CDH1: variants seen among roughly 807,000 people sequenced by gnomAD.
CDH1 encodes cadherin-1.
Under a neutral mutation model 84.5 loss-of-function variants are expected in CDH1, and 35 were observed. That is an observed-to-expected ratio of 0.41 (90% CI 0.32 to 0.55). The LOEUF is 0.55. Ranked by LOEUF, CDH1 falls within the 20% of genes least tolerant of loss-of-function variation. The pLI is 0.19. For synonymous variants in CDH1, 417 were observed against 439.0 expected, an observed-to-expected ratio of 0.95 and a Z score of 0.63; for missense variants, 994 against 1,126.6, an observed-to-expected ratio of 0.88 and a Z score of 1.68.
Position 68,811,724 on chromosome 16 carries a change from T to A in CDH1, c.873T>A (p.Asp291Glu), listed in dbSNP as rs786202039. ...AGGTCACAGCCACAGACGCGGACGA[T>A]GATGTGAACACCTACAATGCCGCCA... Reference protein sequence around the residue: ...VMEVTATDADDDVNTYNAAIA... With the variant: ...VMEVTATDADEDVNTYNAAIA... Residue 291 changes from aspartate (D) to glutamate (E), a missense_variant, in exon 7 of 16, where the codon GAT becomes GAA. Around this residue, in one of 3 missense-constraint regions of CDH1, gnomAD observed 769 missense variants for 881.8 expected, o/e 0.87. Transcript: ENST00000261769. 6.2e-7 allele frequency: 1 copy of A among 1,614,084 alleles called. No individual in the cohort carries two copies. Among genetic ancestry groups the A allele is most frequent in the South Asian group, 1.1e-5 (1 of 91,082 alleles).
intron 6 of CDH1, among the ~76,000 whole-genome samples, chr16:68,810,916 G>T (rs1181169286): frequency 6.6e-6 from 1 of 151,626 alleles, no homozygotes; most frequent in Non-Finnish European, 1.5e-5. Context: ...TTGTTGTCCA[G>T]GCTACTTTCA....
chr16:68,744,396 T>G (rs906706328), intron 2 of CDH1, among the ~76,000 whole-genome samples: 2 of 152,186 alleles, frequency 1.3e-5, no homozygotes, highest in Non-Finnish European at 2.9e-5. Flanking sequence ...AAATCTGTGG[T>G]GCATGCTCAC....
intron 2 of CDH1, among the ~76,000 whole-genome samples, chr16:68,777,413 C>T (rs1171781890): frequency 3.3e-5 from 5 of 152,140 alleles, no homozygotes; most frequent in Admixed American, 1.3e-4. Context: ...ATAAGCCTGG[C>T]ATGCAGTGTG....
chr16:68,754,441 C>T (rs940548618), intron 2 of CDH1, among the ~76,000 whole-genome samples: 5 of 152,156 alleles, frequency 3.3e-5, no homozygotes, highest in Non-Finnish European at 7.4e-5. Flanking sequence ...TGTTGTTGTA[C>T]TCTGTATTGT....
chr16:68,785,617 G>A (rs1372602175), intron 2 of CDH1, among the ~76,000 whole-genome samples: 2 of 152,124 alleles, frequency 1.3e-5, no homozygotes, highest in African/African-American at 2.4e-5. Flanking sequence ...GGGATTACAG[G>A]GATAAACTTA....
chr16:68,813,325 G>T lies in CDH1; in HGVS notation c.1150G>T (p.Val384Leu). 1 of 1,614,154 alleles carries T rather than the reference G, an allele frequency of 6.2e-7. No individual in the cohort carries two copies. The change falls in exon 9 of 16, where the codon GTG (valine) becomes TTG (leucine). Residue 384 changes from valine (V) to leucine (L), a missense_variant. Val to Leu is a conservative substitution (Grantham distance 32). Around this residue, in one of 3 missense-constraint regions of CDH1, gnomAD observed 769 missense variants for 881.8 expected, o/e 0.87. Coordinates refer to ENST00000261769, the MANE Select transcript of CDH1 (RefSeq NM_004360.5). ...CTTTGCTCTGCAGTACAAGGGTCAG[G>T]TGCCTGAGAACGAGGCTAACGTCGT... ...IFNPTTYKGQ[V>L]PENEANVVIT...
At chr16:68,738,016 A>G (rs1361735873) in intron 1 of CDH1, among the ~76,000 whole-genome samples, 1 of 152,084 alleles carries the variant, frequency 6.6e-6, no homozygotes, top group Non-Finnish European at 1.5e-5. Context: ...GAGAATAAAG[A>G]CATCTCCAAT....
rs377407300 is a variant in CDH1, at chr16:68,806,122, A to ATTTATT, written c.388-2301_388-2300insTTATTT. On this transcript the variant is annotated intron_variant, in intron 3 of 15. Coordinates refer to ENST00000261769, the MANE Select transcript of CDH1 (RefSeq NM_004360.5). ...GCCACCATGCCTGGCTAATTTTTGTATATTTATTTATTTATTTATTTATTT... is the reference window on the plus strand; with the variant it reads ...GCCACCATGCCTGGCTAATTTTTGTATTTATTTATTTATTTATTTATTTATTTATTT... Among the ~76,000 whole-genome samples the ATTTATT allele has an allele frequency of 1.3e-3, 181 of 144,532 alleles. 1 individual carries two copies. Among genetic ancestry groups the ATTTATT allele is most frequent in the Admixed American group, 2.0e-3 (29 of 14,346 alleles). The allele number at this position is 144,532 out of a possible 152,430, so 94.8% of individuals were successfully genotyped here.
intron 2 of CDH1, among the ~76,000 whole-genome samples, chr16:68,796,211 G>A (rs955003728): frequency 2.0e-5 from 3 of 152,000 alleles, no homozygotes; most frequent in Non-Finnish European, 4.4e-5. Context: ...TTTGGTGTTC[G>A]CTGTGGGAAA....
chr16:68,821,722 G>A (rs555057903), intron 11 of CDH1, among the ~76,000 whole-genome samples: 8 of 152,164 alleles, frequency 5.3e-5, no homozygotes, highest in African/African-American at 1.7e-4. Flanking sequence ...AATGAATAAC[G>A]ATATGTGAAG....
chr16:68,802,427 C>G (rs1960540984), intron 3 of CDH1, among the ~76,000 whole-genome samples: 1 of 152,078 alleles, frequency 6.6e-6, no homozygotes, highest in South Asian at 2.1e-4. Flanking sequence ...CTGTCTTTAC[C>G]ACTCCCCTCT....
intron 2 of CDH1, among the ~76,000 whole-genome samples, chr16:68,745,342 C>T (rs550240578): frequency 4.7e-5 from 7 of 150,034 alleles, no homozygotes; most frequent in Non-Finnish European, 7.4e-5. Context: ...AAAAATTTAG[C>T]CAGGTATGGT....
chr16:68,798,242 G>A (rs1960414619), intron 2 of CDH1, among the ~76,000 whole-genome samples: 1 of 152,132 alleles, frequency 6.6e-6, no homozygotes, highest in African/African-American at 2.4e-5. Context: ...CTTTATTTTT[G>A]TTAGCTTTTT....
chr16:68,808,463 C>T lies in CDH1; in HGVS notation c.427C>T (p.Pro143Ser), dbSNP rs876661226. 1.2e-6 allele frequency: 2 copies of T among 1,614,020 alleles called. No homozygotes were observed. Among genetic ancestry groups the T allele is most frequent in the East Asian group, 2.2e-5 (1 of 44,894 alleles). ...SGIQAELLTFPNSSPGLRRQK... is the reference protein window; with the variant it reads ...SGIQAELLTFSNSSPGLRRQK... ...AATCCAAGCAGAATTGCTCACATTT[C>T]CCAACTCCTCTCCTGGCCTCAGAAG... The change falls in exon 4 of 16, where the codon CCC (proline) becomes TCC (serine). Residue 143 changes from proline (P) to serine (S), a missense_variant. By Grantham distance (74) the Pro-to-Ser change is moderately conservative. This residue lies in a region of CDH1 where 203 missense variants were observed against 194.0 expected (regional missense o/e 1.05). Coordinates refer to ENST00000261769, the MANE Select transcript of CDH1 (RefSeq NM_004360.5).
Position 68,822,238 on chromosome 16 carries a change from G to A in CDH1, c.1936+13G>A, listed in dbSNP as rs992121928. 3 of 1,604,500 alleles carry A rather than the reference G, an allele frequency of 1.9e-6. No individual in the cohort carries two copies. Among genetic ancestry groups the A allele is most frequent in the Non-Finnish European group, 2.6e-6 (3 of 1,171,414 alleles). On this transcript the variant is annotated intron_variant, in intron 12 of 15. Transcript: ENST00000261769. Reference sequence around the variant, plus strand: ...TACAACGACCCAAGTGGGTACCTGAGTTTTATTTTGGCAACTTTGCTCCAA... The same window carrying A: ...TACAACGACCCAAGTGGGTACCTGAATTTTATTTTGGCAACTTTGCTCCAA...
In CDH1 at chr16:68,834,305, A is replaced by G. The variant is rs776624634; in HGVS notation, c.*806A>G. 1 of 510,692 alleles carries G rather than the reference A, an allele frequency of 2.0e-6. No homozygotes were observed. The highest frequency in any genetic ancestry group is 3.8e-6 in the Non-Finnish European group (1 of 260,344). The allele number at this position is 510,692 out of a possible 1,614,324, so 31.6% of individuals were successfully genotyped here. ...AAGAGACAGTTTCGCTCCATCGCCC[A>G]GGCCTGGGATGCAGTGATGTGATCA... On this transcript the variant is annotated 3_prime_UTR_variant, in exon 16 of 16. Transcript: ENST00000261769.
At chr16:68,824,857 A>T (rs957407937) in intron 13 of CDH1, among the ~76,000 whole-genome samples, 2 of 152,244 alleles carry the variant, frequency 1.3e-5, no homozygotes, top group Non-Finnish European at 2.9e-5. Flanking sequence ...ATCAAAAGAC[A>T]AAGTATCCAT....
At chr16:68,767,324 A>C (rs1307072081) in intron 2 of CDH1, among the ~76,000 whole-genome samples, 3 of 151,744 alleles carry the variant, frequency 2.0e-5, no homozygotes. Flanking sequence ...CCTCCCGAGT[A>C]GCTGGGATTA....
intron 5 of CDH1, 190 bp downstream of exon 5, chr16:68,809,038 T>C (rs1180380448): frequency 3.2e-6 from 2 of 616,598 alleles, no homozygotes; most frequent in Admixed American, 2.7e-5. Context: ...TTTTTCTCCT[T>C]GTCAGGAAGA....
Sources: allele counts gnomAD v4.1 joint callset (sites outside exome capture counted in the v4.1 genomes callset), GRCh38; gene constraint gnomAD v4.1.1; regional missense constraint gnomAD v4.1.1; transcripts MANE v1.5; gene names NCBI Gene and HGNC (gene_info 2026-07-23, HGNC 2026-07-21).